TNFAIP2: variants seen among roughly 807,000 people sequenced by gnomAD.
TNFAIP2 encodes TNF alpha induced protein 2, also known as tumor necrosis factor alpha-induced protein 2.
A neutral mutation model predicts 63.5 loss-of-function variants in TNFAIP2; 47 were observed. That is an observed-to-expected ratio of 0.74 (90% CI 0.59 to 0.94). The LOEUF is 0.94. TNFAIP2 is among the 40% of genes least tolerant of loss of function. The probability of loss-of-function intolerance (pLI) is 0.00; values close to 1 mark genes in which losing one functional copy is unlikely to be tolerated. For missense variants in TNFAIP2, 787 were observed against 850.2 expected (o/e 0.93, Z 0.92); for synonymous variants, 405 against 390.2 (o/e 1.04, Z -0.45).
chr14:103,134,452 C>G (rs2088053971), intron 11 of TNFAIP2, among the ~76,000 whole-genome samples: 1 of 148,790 alleles, frequency 6.7e-6, no homozygotes, highest in Non-Finnish European at 1.5e-5. Flanking sequence ...ACCTGTCTAC[C>G]CATCCACCCA....
rs1210496802 is a variant in TNFAIP2 at position 103,137,345 on chromosome 14, TATA to T, written c.*1994_*1996del. 1 of 152,252 alleles carries T rather than the reference TATA, an allele frequency of 6.6e-6. No individual in the cohort carries two copies. Among genetic ancestry groups the T allele is most frequent in the African/African-American group, 2.4e-5 (1 of 41,460 alleles). 9.4% of individuals were successfully genotyped at this position (152,252 alleles called of 1,614,324 possible). A position where few individuals can be genotyped will look rare whatever the true frequency, so the allele number is the denominator to read the frequency against. On this transcript the variant is annotated 3_prime_UTR_variant, in exon 12 of 12. Transcript: ENST00000560869. ...GAGTTAGCGTGTTTGATATTGTTAA[TATA>T]ATAATAATTATTTTTTAGAGTACTG...
chr14:103,135,059 G>A lies in TNFAIP2; in HGVS notation c.1824-160G>A, dbSNP rs1273641144. 6.6e-6 allele frequency among the ~76,000 whole-genome samples: 1 copy of A among 152,230 alleles called. No homozygotes were observed. The highest frequency in any genetic ancestry group is 1.5e-5 in the Non-Finnish European group (1 of 68,046). ...CAGGCTGGGGCATGGCTGCTCTTGG[G>A]ACCATCAGGTGGAGGGCATGGGTGA... On this transcript the variant is annotated intron_variant, in intron 11 of 11. Coordinates refer to ENST00000560869, the MANE Select transcript of TNFAIP2 (RefSeq NM_006291.4). The surrounding 1 kb of genome is among the most constrained non-coding windows in gnomAD (Gnocchi z 7.6).
At chr14:103,130,474 C>A in intron 6 of TNFAIP2, 59 bp downstream of exon 6, 1 of 1,479,190 alleles carries the variant, frequency 6.8e-7, no homozygotes, top group Non-Finnish European at 9.2e-7. Context: ...CACGGCCCCT[C>A]CCTAGTGCCT....
rs752423636 is a variant in TNFAIP2, at chr14:103,135,259, C to G, written c.1864C>G (p.Leu622Val). 1.9e-6 allele frequency: 3 copies of G among 1,613,896 alleles called. No individual in the cohort carries two copies. The highest frequency in any genetic ancestry group is 1.6e-4 in the Middle Eastern group (1 of 6,082). The stretch of plus-strand genomic sequence containing the variant: ...CGCTATCCTGGCCATCAAGGGGAAC[C>G]TATCCAACAGTGAGGTCAAGCGCAT... ...LSAILAIKGN[L>V]SNSEVKRIRS... The change falls in exon 12 of 12, where the codon CTA becomes GTA. Residue 622 changes from leucine to valine, a missense_variant. Physicochemically the swap from Leu to Val is conservative, Grantham distance 32. Coordinates refer to ENST00000560869, the MANE Select transcript of TNFAIP2 (RefSeq NM_006291.4). The surrounding 1 kb of genome is among the most constrained non-coding windows in gnomAD (Gnocchi z 7.6).
Position 103,127,668 on chromosome 14 carries a change from G to T in TNFAIP2, c.860+39G>T. 7.0e-7 allele frequency: 1 copy of T among 1,433,778 alleles called. No individual in the cohort carries two copies. The highest frequency in any genetic ancestry group is 2.5e-5 in the East Asian group (1 of 40,038). 88.8% of individuals were successfully genotyped at this position (1,433,778 alleles called of 1,614,324 possible). ...GGGCTGGGCCCGGGCCGGCAGGGAG[G>T]GTGTCCTCTGTAGGAGGGGTGTCGA... On this transcript the variant is annotated intron_variant, in intron 3 of 11. Coordinates refer to ENST00000560869, the MANE Select transcript of TNFAIP2 (RefSeq NM_006291.4). This position sits in a 1 kb window ranked among gnomAD's most constrained non-coding sequence, Gnocchi z 5.1.
chr14:103,134,314 G>A (rs1017008771), intron 11 of TNFAIP2, among the ~76,000 whole-genome samples: 3 of 152,160 alleles, frequency 2.0e-5, no homozygotes, highest in Non-Finnish European at 4.4e-5. Flanking sequence ...CCCCAGCTTC[G>A]CCAAGTCCAG....
rs2087892524 is a variant in TNFAIP2 at position 103,127,752 on chromosome 14, G to T, written c.860+123G>T. 5 of 1,201,290 alleles carry T rather than the reference G, an allele frequency of 4.2e-6. No individual in the cohort carries two copies. The highest frequency in any genetic ancestry group is 1.9e-5 in the South Asian group (1 of 52,370). The allele number at this position is 1,201,290 out of a possible 1,614,324, so 74.4% of individuals were successfully genotyped here. ...TGAGGTCGGTGTTTGCAGAGTTTTG[G>T]GTCCGAGAATGCAGGGGTGGGACTT... On this transcript the variant is annotated intron_variant, in intron 3 of 11. Coordinates refer to ENST00000560869, the MANE Select transcript of TNFAIP2 (RefSeq NM_006291.4). The surrounding 1 kb of genome is among the most constrained non-coding windows in gnomAD (Gnocchi z 5.1).
In TNFAIP2 at chr14:103,127,323, G is replaced by A; in HGVS notation, c.554G>A (p.Arg185His). The A allele has an allele frequency of 9.7e-7, 1 of 1,034,420 alleles. No homozygotes were observed. Among genetic ancestry groups the A allele is most frequent in the Middle Eastern group, 4.7e-4 (1 of 2,150 alleles). 64.1% of individuals were successfully genotyped at this position (1,034,420 alleles called of 1,614,324 possible). A position where few individuals can be genotyped will look rare whatever the true frequency, so the allele number is the denominator to read the frequency against. Reference sequence around the variant, plus strand: ...GGGCTGGCGGCCACGCGCCCGCGGCGCTGGCTGCAGCTGTGGCGGCGCGGC... The same window carrying A: ...GGGCTGGCGGCCACGCGCCCGCGGCACTGGCTGCAGCTGTGGCGGCGCGGC... ...TSGLAATRPR[R>H]WLQLWRRGVA... Residue 185 changes from arginine to histidine, a missense_variant, in exon 3 of 12, where the codon CGC (arginine) becomes CAC (histidine). This residue lies in a region of TNFAIP2 where 258 missense variants were observed against 228.9 expected (regional missense o/e 1.13). Coordinates refer to ENST00000560869, the MANE Select transcript of TNFAIP2 (RefSeq NM_006291.4). This position sits in a 1 kb window ranked among gnomAD's most constrained non-coding sequence, Gnocchi z 5.1.
Position 103,136,468 on chromosome 14 carries a change from TC to T in TNFAIP2, c.*1109del, listed in dbSNP as rs2139575202. On this transcript the variant is annotated 3_prime_UTR_variant, in exon 12 of 12. Transcript: ENST00000560869. ...TCAGAGCCAGCTGTGGGTAGTTGAA[TC>T]TTTTTCCCGTCACCTCATTGAGGCC... The T allele has an allele frequency of 6.6e-6, 1 of 152,372 alleles. No individual in the cohort carries two copies. The highest frequency in any genetic ancestry group is 1.9e-4 in the East Asian group (1 of 5,158). 9.4% of individuals were successfully genotyped at this position (152,372 alleles called of 1,614,324 possible).
upstream of TNFAIP2, chr14:103,122,851 C>T (rs1162976427): frequency 4.4e-6 from 2 of 454,922 alleles, no homozygotes; most frequent in African/African-American, 2.0e-5. Flanking sequence ...GCCGGGTCAG[C>T]CACTTCACCT....
intron 9 of TNFAIP2, 24 bp from the exon 10 acceptor site, chr14:103,133,338 G>T (rs781161830): frequency 6.2e-7 from 1 of 1,608,192 alleles, no homozygotes; most frequent in Admixed American, 1.7e-5. Flanking sequence ...CAGCTCACAC[G>T]CCCCTGGCTG....
In TNFAIP2 at chr14:103,126,659, T is replaced by C. The variant is rs1314489854; in HGVS notation, c.202T>C (p.Ser68Pro). 6.4e-7 allele frequency: 1 copy of C among 1,555,520 alleles called. No individual in the cohort carries two copies. The highest frequency in any genetic ancestry group is 8.7e-7 in the Non-Finnish European group (1 of 1,149,574). The change falls in exon 2 of 12, where the codon TCC becomes CCC. Residue 68 changes from serine to proline, a missense_variant. Physicochemically the swap from Ser to Pro is moderately conservative, Grantham distance 74. Transcript: ENST00000560869. ...SSAEPEDAAG[S>P]RQGLDGPPPT... ...AGCGGAGCCCGAGGACGCAGCCGGG[T>C]CCAGGCAGGGGCTGGATGGCCCGCC...
intron 10 of TNFAIP2, 41 bp from the exon 11 acceptor site, chr14:103,133,641 T>C: frequency 6.5e-7 from 1 of 1,549,734 alleles, no homozygotes; most frequent in Non-Finnish European, 8.7e-7. Context: ...GACCCGAGCC[T>C]CTGGACCCCT....
At chr14:103,133,263 T>C in intron 9 of TNFAIP2, 99 bp from the exon 10 acceptor site, 2 of 1,451,388 alleles carry the variant, frequency 1.4e-6, no homozygotes, top group Non-Finnish European at 1.9e-6. Context: ...TGCTCTGGCA[T>C]CTGCCTCTCT....
At position 103,131,209 on chromosome 14, in the gene TNFAIP2, A is replaced by T. The variant is rs1287319880; in HGVS notation, c.1298+59A>T. 1.1e-5 allele frequency: 17 copies of T among 1,585,356 alleles called. No individual in the cohort carries two copies. Among genetic ancestry groups the T allele is most frequent in the Non-Finnish European group, 6.1e-6 (7 of 1,155,584 alleles). On this transcript the variant is annotated intron_variant, in intron 7 of 11. Transcript: ENST00000560869. The surrounding 1 kb of genome is among the most constrained non-coding windows in gnomAD (Gnocchi z 4.0). ...AGTCACTCAGCGGGCAGGAGAGGGG[A>T]GCTGGAAGGTGGAGGGAGGAGGAGC... is the stretch of plus-strand genomic sequence containing the variant.
chr14:103,121,846 C>T (rs1891115222), upstream of TNFAIP2, among the ~76,000 whole-genome samples: 1 of 149,908 alleles, frequency 6.7e-6, no homozygotes, highest in Non-Finnish European at 1.5e-5. Context: ...TGCAGACTTC[C>T]CGAGCAATTT....
chr14:103,126,167 G>T, intron 1 of TNFAIP2, 143 bp from the exon 2 acceptor site: 1 of 255,700 alleles, frequency 3.9e-6, no homozygotes. Flanking sequence ...TGCTCATCTG[G>T]GCCAGGAGAT....
chr14:103,126,643 C>G lies in TNFAIP2; in HGVS notation c.186C>G (p.Pro62=). ...KKKGQPSSAE[P]EDAAGSRQGL... ...AGGGTCAGCCCAGCTCAGCGGAGCC[C>G]GAGGACGCAGCCGGGTCCAGGCAGG... is the stretch of plus-strand genomic sequence containing the variant. Residue 62 remains proline, a synonymous_variant, in exon 2 of 12, where the codon CCC becomes CCG. Transcript: ENST00000560869. The G allele has an allele frequency of 1.3e-6, 2 of 1,555,374 alleles. No homozygotes were observed. The highest frequency in any genetic ancestry group is 1.2e-5 in the South Asian group (1 of 84,450).
At chr14:103,122,922 C>A, upstream of TNFAIP2, 1 of 426,170 alleles carries the variant, frequency 2.3e-6, no homozygotes, top group Non-Finnish European at 4.7e-6. Context: ...GCCCTGTGCA[C>A]AGCCGCGCGG....
Sources: gnomAD v4.1 joint callset for allele counts (sites outside exome capture counted in the v4.1 genomes callset) on GRCh38, gnomAD v4.1.1 for gene constraint, gnomAD v4.1.1 regional missense constraint, Gnocchi (gnomAD v3.1) non-coding constraint, MANE v1.5 for transcripts, NCBI Gene and HGNC (gene_info 2026-07-23, HGNC 2026-07-21) for gene names.